The following ZC3H6 variants were observed in gnomAD, a reference collection of about 807,000 sequenced individuals.
ZC3H6 encodes zinc finger CCCH domain-containing protein 6.
Under a neutral mutation model 107.7 loss-of-function variants are expected in ZC3H6, and 40 were observed. The observed-to-expected ratio is 0.37, with a 90% CI of 0.29 to 0.48. The LOEUF is 0.48. Among genes scored for constraint, ZC3H6 ranks in the 20% least tolerant of loss-of-function variants. The pLI is 0.98. For synonymous variants in ZC3H6, 493 were observed against 487.9 expected, an observed-to-expected ratio of 1.01 and a Z score of -0.14; for missense variants, 1,267 against 1,410.4, an observed-to-expected ratio of 0.90 and a Z score of 1.63.
intron 5 of ZC3H6, among the ~76,000 whole-genome samples, chr2:112,313,685 A>C (rs1391741887): frequency 6.6e-6 from 1 of 152,202 alleles, no homozygotes; most frequent in Non-Finnish European, 1.5e-5. Context: ...TGATTCCAGA[A>C]ACAACTGGGA....
At chr2:112,330,899 A>T in intron 11 of ZC3H6, 106 bp from the exon 12 acceptor site, 1 of 447,286 alleles carries the variant, frequency 2.2e-6, no homozygotes, top group Non-Finnish European at 3.2e-6. Context: ...GGCTACATAT[A>T]AATGTAGCCA....
Position 112,324,527 on chromosome 2 carries a change from T to G in ZC3H6, c.1716T>G (p.Gly572=), listed in dbSNP as rs766585451. ...CCAGAGAGAATCACTGTTCTCCAGG[T>G]TCATCATACCAGCAAAGTCCTGGTG... is the stretch of plus-strand genomic sequence containing the variant. ...KVPRENHCSP[G]SSYQQSPGEM... is the part of the protein sequence containing the mutation. Residue 572 remains glycine, a synonymous_variant, in exon 10 of 12, where the codon GGT becomes GGG. Coordinates refer to ENST00000409871, the MANE Select transcript of ZC3H6 (RefSeq NM_198581.3). 2 of 1,613,018 alleles carry G rather than the reference T, an allele frequency of 1.2e-6. No individual in the cohort carries two copies. The highest frequency in any genetic ancestry group is 1.7e-6 in the Non-Finnish European group (2 of 1,179,474).
chr2:112,338,181 C>G lies in ZC3H6; in HGVS notation c.*5693C>G, dbSNP rs1677166868. 6.6e-6 allele frequency: 1 copy of G among 152,172 alleles called. No individual in the cohort carries two copies. Among genetic ancestry groups the G allele is most frequent in the Non-Finnish European group, 1.5e-5 (1 of 68,052 alleles). 9.4% of individuals were successfully genotyped at this position (152,172 alleles called of 1,614,324 possible). On this transcript the variant is annotated 3_prime_UTR_variant, in exon 12 of 12. Transcript: ENST00000409871. The stretch of plus-strand genomic sequence containing the variant: ...GCCCGGCTGGTCTCAAACTCCTTAC[C>G]TCAAGTGATCTGCCCGCCTCAGCCT...
rs534741047 is a variant in ZC3H6 at position 112,302,031 on chromosome 2, A to G, written c.214-1198A>G. Among the ~76,000 whole-genome samples, 6 of 152,116 alleles carry G rather than the reference A, an allele frequency of 3.9e-5. No individual in the cohort carries two copies. In the East Asian group the frequency reaches 1.2e-3, roughly 29 times the overall value. On this transcript the variant is annotated intron_variant, in intron 2 of 11. Transcript: ENST00000409871. ...TACTACCTAACAAAATTAATTCTAG[A>G]GAGTCAAAAAGTCTGAGACTTTTTG...
intron 9 of ZC3H6, among the ~76,000 whole-genome samples, chr2:112,323,479 A>G (rs1676843257): frequency 1.3e-5 from 2 of 152,226 alleles, no homozygotes. Flanking sequence ...CATTTGAACC[A>G]TTAAAAGTAT....
chr2:112,282,986 T>C (rs111729053), intron 1 of ZC3H6, among the ~76,000 whole-genome samples: 8,150 of 152,268 alleles, frequency 0.054, 407 homozygotes, highest in Non-Finnish European at 0.073. Flanking sequence ...ACCAAACTAC[T>C]CACCTCCATA....
intron 1 of ZC3H6, among the ~76,000 whole-genome samples, chr2:112,297,637 G>C (rs546156238): frequency 7.9e-5 from 12 of 152,150 alleles, no homozygotes; most frequent in African/African-American, 2.2e-4. Context: ...TTTGTTTCTA[G>C]GATTCAGCCT....
chr2:112,321,617 C>G (rs1031076006), intron 7 of ZC3H6, 139 bp from the exon 8 acceptor site: 4 of 474,894 alleles, frequency 8.4e-6, no homozygotes, highest in Non-Finnish European at 1.1e-5. Context: ...GTATACAATA[C>G]AGTATTGTTG....
chr2:112,309,860 A>C, intron 3 of ZC3H6, 25 bp from the exon 4 acceptor site: 1 of 1,546,112 alleles, frequency 6.5e-7, no homozygotes, highest in Non-Finnish European at 8.7e-7. Context: ...AAAAATCCTG[A>C]TAATGATTGT....
Position 112,335,697 on chromosome 2 carries a change from G to A in ZC3H6, c.*3209G>A, listed in dbSNP as rs1477372536. 1.3e-5 allele frequency: 2 copies of A among 152,108 alleles called. No homozygotes were observed. The highest frequency in any genetic ancestry group is 6.6e-5 in the Admixed American group (1 of 15,258). The allele number at this position is 152,108 out of a possible 1,614,324, so 9.4% of individuals were successfully genotyped here. A position where few individuals can be genotyped will look rare whatever the true frequency, so the allele number is the denominator to read the frequency against. On this transcript the variant is annotated 3_prime_UTR_variant, in exon 12 of 12. Coordinates refer to ENST00000409871, the MANE Select transcript of ZC3H6 (RefSeq NM_198581.3). ...GTTGTACAAATTCCAAAATAACATG[G>A]TATGGTTTGTATGGTTTAGCAATTT... is the stretch of plus-strand genomic sequence containing the variant.
intron 6 of ZC3H6, among the ~76,000 whole-genome samples, chr2:112,316,882 G>C (rs1239744989): frequency 1.3e-5 from 2 of 152,178 alleles, no homozygotes; most frequent in African/African-American, 4.8e-5. Flanking sequence ...ACCCTACAAA[G>C]TAGTTAATGT....
In ZC3H6 at chr2:112,321,778, T is replaced by C. The variant is rs1676805893; in HGVS notation, c.999T>C (p.Tyr333=). The change falls in exon 8 of 12, where the codon TAT becomes TAC. Residue 333 remains tyrosine (Y), a synonymous_variant. Coordinates refer to ENST00000409871, the MANE Select transcript of ZC3H6 (RefSeq NM_198581.3). ...TACATGAATTTCCATGCAAGTTCTATCATAGTGGAGCAAAATGTTACCAGG... is the reference window on the plus strand; with the variant it reads ...TACATGAATTTCCATGCAAGTTCTACCATAGTGGAGCAAAATGTTACCAGG... ...YMHNEFPCKF[Y]HSGAKCYQGD... 6.5e-7 allele frequency: 1 copy of C among 1,539,050 alleles called. No homozygotes were observed. The highest frequency in any genetic ancestry group is 8.8e-7 in the Non-Finnish European group (1 of 1,141,302).
chr2:112,303,542 G>A (rs72833412), intron 3 of ZC3H6, among the ~76,000 whole-genome samples, 191 bp downstream of exon 3: 19,014 of 151,822 alleles, frequency 0.13, 1,349 homozygotes, highest in Non-Finnish European at 0.16. Context: ...ATAACATCTC[G>A]TTTTCCCCTG....
Position 112,332,605 on chromosome 2 carries a change from G to A in ZC3H6, c.*117G>A, listed in dbSNP as rs912428913. The A allele has an allele frequency of 3.9e-6, 4 of 1,017,656 alleles. No individual in the cohort carries two copies. Among genetic ancestry groups the A allele is most frequent in the Non-Finnish European group, 5.6e-6 (4 of 718,316 alleles). 63.0% of individuals were successfully genotyped at this position (1,017,656 alleles called of 1,614,324 possible). ...TTTAAATTATAAACACTTTTCAGCTGCTAGTATCAGAACCACATGAAGTTA... is the reference window on the plus strand; with the variant it reads ...TTTAAATTATAAACACTTTTCAGCTACTAGTATCAGAACCACATGAAGTTA... On this transcript the variant is annotated 3_prime_UTR_variant, in exon 12 of 12. Coordinates refer to ENST00000409871, the MANE Select transcript of ZC3H6 (RefSeq NM_198581.3).
At chr2:112,284,517 T>C (rs550905102) in intron 1 of ZC3H6, among the ~76,000 whole-genome samples, 27 of 151,442 alleles carry the variant, frequency 1.8e-4, no homozygotes, top group Non-Finnish European at 3.7e-4. Context: ...AGTAATCTTA[T>C]TTTAAGAGTA....
At position 112,293,780 on chromosome 2, in the gene ZC3H6, T is replaced by A. The variant is rs367574655; in HGVS notation, c.33-6069T>A. On this transcript the variant is annotated intron_variant, in intron 1 of 11. Coordinates refer to ENST00000409871, the MANE Select transcript of ZC3H6 (RefSeq NM_198581.3). The stretch of plus-strand genomic sequence containing the variant: ...CAAAGCCTAGACTCAAATCAAGTTA[T>A]CTATCAAGCAAGCTGACATATTCAG... Among the ~76,000 whole-genome samples, 15 of 152,354 alleles carry A rather than the reference T, an allele frequency of 9.8e-5. No individual in the cohort carries two copies. The South Asian group carries it at 2.7e-3, about 27-fold the overall frequency.
At chr2:112,314,747 C>T (rs935458660) in intron 5 of ZC3H6, among the ~76,000 whole-genome samples, 10 of 152,018 alleles carry the variant, frequency 6.6e-5, no homozygotes, top group African/African-American at 2.2e-4. Flanking sequence ...TTATTCTAAA[C>T]GAATCTCTAA....
chr2:112,292,774 A>T (rs1676146347), intron 1 of ZC3H6, among the ~76,000 whole-genome samples: 4 of 152,176 alleles, frequency 2.6e-5, no homozygotes, highest in African/African-American at 7.2e-5. Flanking sequence ...TCTAGGTTTT[A>T]TGGCTTTATC....
In ZC3H6 at chr2:112,334,441, A is replaced by C. The variant is rs1385932986; in HGVS notation, c.*1953A>C. The C allele has an allele frequency of 6.6e-6, 1 of 152,134 alleles. No homozygotes were observed. Among genetic ancestry groups the C allele is most frequent in the Non-Finnish European group, 1.5e-5 (1 of 67,976 alleles). The allele number at this position is 152,134 out of a possible 1,614,324, so 9.4% of individuals were successfully genotyped here. ...AGATAATTTGGCTTGCTAAACATCA[A>C]AATAGAATCCAAACTCTTAACCGAA... On this transcript the variant is annotated 3_prime_UTR_variant, in exon 12 of 12. Transcript: ENST00000409871.
Sources: gnomAD v4.1 joint callset for allele counts (sites outside exome capture counted in the v4.1 genomes callset) on GRCh38, gnomAD v4.1.1 for gene constraint, MANE v1.5 for transcripts, NCBI Gene and HGNC (gene_info 2026-07-23, HGNC 2026-07-21) for gene names.